Variants in PDE1A observed in about 807,000 individuals in gnomAD.
PDE1A encodes dual specificity calcium/calmodulin-dependent 3',5'-cyclic nucleotide phosphodiesterase 1A.
A neutral mutation model predicts 61.7 loss-of-function variants in PDE1A; 35 were observed. That is an observed-to-expected ratio of 0.57 (90% confidence interval 0.43 to 0.75). The LOEUF is 0.75. Among genes scored for constraint, PDE1A ranks in the 30% least tolerant of loss-of-function variants. PDE1A has a pLI of 0.00. For missense variants in PDE1A, 597 were observed against 630.6 expected (o/e 0.95, Z 0.57); for synonymous variants, 232 against 213.2 (o/e 1.09, Z -0.77).
chr2:182,548,907 G>C, the PDE1A span, among the ~76,000 whole-genome samples: 1 of 152,186 alleles, frequency 6.6e-6, no homozygotes, highest in African/African-American at 2.4e-5. Context: ...AATCAATTAA[G>C]TATTTTTGAT....
At chr2:182,295,116 A>G (rs1694795297) in intron 1 of PDE1A, among the ~76,000 whole-genome samples, 1 of 111,236 alleles carries the variant, frequency 9.0e-6, no homozygotes, top group African/African-American at 3.4e-5. Context: ...CGCCCAGGCC[A>G]GACTGCGGAC....
chr2:182,560,476 G>C, the PDE1A span, among the ~76,000 whole-genome samples: 131 of 151,172 alleles, frequency 8.7e-4, no homozygotes, highest in African/African-American at 3.0e-3. Context: ...TTGGACATTT[G>C]GGTTGGTTCC....
intron 5 of PDE1A, among the ~76,000 whole-genome samples, chr2:182,230,544 T>C (rs763005359): frequency 2.0e-5 from 3 of 152,190 alleles, no homozygotes; most frequent in Non-Finnish European, 4.4e-5. Flanking sequence ...AAAAATGTGA[T>C]GATTCTACAG....
chr2:182,401,395 A>C (rs1367266416), intron 1 of PDE1A, among the ~76,000 whole-genome samples: 2 of 152,210 alleles, frequency 1.3e-5, no homozygotes, highest in Non-Finnish European at 2.9e-5. Context: ...GTAATCCATC[A>C]CATAAACAGA....
chr2:182,187,531 C>T (rs1238718755), intron 11 of PDE1A, among the ~76,000 whole-genome samples: 1 of 152,062 alleles, frequency 6.6e-6, no homozygotes, highest in African/African-American at 2.4e-5. Context: ...TGATAATGTC[C>T]TGTAAATATG....
intron 1 of PDE1A, among the ~76,000 whole-genome samples, chr2:182,393,449 T>A (rs1318215334): frequency 1.3e-5 from 2 of 152,244 alleles, no homozygotes; most frequent in East Asian, 1.9e-4. Flanking sequence ...GTCTCTGACA[T>A]GCCTGGAAAC....
chr2:182,522,187 C>G (rs1339060763), intron 2 of PDE1A: 2 of 1,058,740 alleles, frequency 1.9e-6, no homozygotes, highest in African/African-American at 1.6e-5. Flanking sequence ...CTAAAGGAAA[C>G]TAGCCCACAA....
intron 13 of PDE1A, among the ~76,000 whole-genome samples, chr2:182,181,765 C>T (rs928148173): frequency 6.6e-6 from 1 of 152,172 alleles, no homozygotes; most frequent in African/African-American, 2.4e-5. Flanking sequence ...TGCAGAGATG[C>T]CCTGCCCAGT....
At chr2:182,563,558 G>A in the PDE1A span, among the ~76,000 whole-genome samples, 1 of 152,142 alleles carries the variant, frequency 6.6e-6, no homozygotes, top group Non-Finnish European at 1.5e-5. Flanking sequence ...GAGTTCTGTA[G>A]ATGTCTATTA....
intron 11 of PDE1A, among the ~76,000 whole-genome samples, chr2:182,188,270 G>T (rs1022582960): frequency 2.6e-5 from 4 of 152,216 alleles, no homozygotes; most frequent in Non-Finnish European, 2.9e-5. Context: ...AAGGGGAAAA[G>T]GTCAGAGCAG....
intron 2 of PDE1A, among the ~76,000 whole-genome samples, chr2:182,480,053 G>A (rs1425388771): frequency 6.6e-6 from 1 of 151,880 alleles, no homozygotes; most frequent in African/African-American, 2.4e-5. Flanking sequence ...CACCATTATG[G>A]TGAAGAACAG....
rs117141764 is a variant in PDE1A, at chr2:182,468,510, A to G, written c.101+53766T>C. Among the ~76,000 whole-genome samples the G allele has an allele frequency of 9.0e-4, 137 of 152,082 alleles. 3 individuals are homozygous for G. The East Asian group carries it at 0.017, about 19-fold the overall frequency. On this transcript the variant is annotated intron_variant, in intron 2 of 14. Transcript: ENST00000410103. ...CTAGTTCTCTTGCTATTTTCACCACATCTGCAGTCACTTTCTCCACTAATG... is the reference window on the plus strand; with the variant it reads ...CTAGTTCTCTTGCTATTTTCACCACGTCTGCAGTCACTTTCTCCACTAATG...
intron 2 of PDE1A, among the ~76,000 whole-genome samples, chr2:182,507,192 G>T (rs890519748): frequency 6.6e-6 from 1 of 151,960 alleles, no homozygotes. Context: ...AGTAACCACA[G>T]TAATAGGTAG....
intron 2 of PDE1A, among the ~76,000 whole-genome samples, chr2:182,511,295 T>C (rs1689768436): frequency 1.3e-5 from 2 of 151,418 alleles, no homozygotes; most frequent in Non-Finnish European, 2.9e-5. Context: ...CAGAAGGGCA[T>C]TGAGAGTGGA....
chr2:182,571,051 A>C, the PDE1A span, among the ~76,000 whole-genome samples: 4 of 152,232 alleles, frequency 2.6e-5, no homozygotes, highest in African/African-American at 4.8e-5. Context: ...ATAAGTGGCT[A>C]ATTCATTTTA....
At chr2:182,522,461 T>TTATACAGTAGCCTCTC in intron 1 of PDE1A, 1 of 1,590,366 alleles carries the variant, frequency 6.3e-7, no homozygotes, top group Non-Finnish European at 8.6e-7. Context: ...TCTTACACAC[T>TTATACAGTAGCCTCTC]TATACAGTAG....
chr2:182,191,858 A>G (rs112013501), intron 10 of PDE1A, among the ~76,000 whole-genome samples: 5 of 136,456 alleles, frequency 3.7e-5, no homozygotes, highest in Admixed American at 1.5e-4. Context: ...TTTTTTTTTT[A>G]TTTTTTTATT....
Position 182,494,253 on chromosome 2 carries a change from T to C in PDE1A, c.101+28023A>G, listed in dbSNP as rs757012648. On this transcript the variant is annotated intron_variant, in intron 2 of 14. Coordinates refer to the PDE1A transcript ENST00000410103. ...AGCCTTAGAACTGTCAATTTTGTTC[T>C]CTCATCTAAATGTGTAGTAAGCTTA... Among the ~76,000 whole-genome samples the C allele has an allele frequency of 2.8e-4, 42 of 151,992 alleles. 2 individuals are homozygous for C. The highest frequency in any genetic ancestry group is 6.8e-3 in the Middle Eastern group (2 of 294).
upstream of PDE1A, among the ~76,000 whole-genome samples, chr2:182,523,860 A>G (rs1040209621): frequency 6.6e-6 from 1 of 152,190 alleles, no homozygotes; most frequent in African/African-American, 2.4e-5. Context: ...TACTATGTCT[A>G]TACAAATGAC....
Sources: allele counts gnomAD v4.1 joint callset (sites outside exome capture counted in the v4.1 genomes callset), GRCh38; gene constraint gnomAD v4.1.1; transcripts MANE v1.5; gene names NCBI Gene and HGNC (gene_info 2026-07-23, HGNC 2026-07-21).